CCDC73: variants seen among roughly 807,000 people sequenced by gnomAD.
CCDC73 encodes coiled-coil domain-containing protein 73.
CCDC73 carries 95 observed loss-of-function variants against 116.5 expected under a neutral mutation model. The ratio of observed to expected loss-of-function variants is 0.82; its 90% CI spans 0.69 to 0.97. CCDC73 has a LOEUF of 0.97. Ranked by LOEUF, CCDC73 falls within the 50% of genes least tolerant of loss-of-function variation. The pLI is 0.00. For synonymous variants in CCDC73, 398 were observed against 401.3 expected, an observed-to-expected ratio of 0.99 and a Z score of 0.10; for missense variants, 1,066 against 1,206.8, an observed-to-expected ratio of 0.88 and a Z score of 1.73.
chr11:32,797,133 G>A (rs1246172997), upstream of CCDC73, among the ~76,000 whole-genome samples: 1 of 151,356 alleles, frequency 6.6e-6, no homozygotes, highest in Admixed American at 6.6e-5. Context: ...AAACCTAACT[G>A]TTTCTATCAG....
Position 32,699,260 on chromosome 11 carries a change from T to C in CCDC73, c.381A>G (p.Lys127=). ...KEIEGLKETL[K]ALQVSKYSLQ... ...ACGTAGTTATTTTTACCTGTAGTGC[T>C]TTTAATGTTTCCTTCAATCCTTCTA... Residue 127 remains lysine (K), a synonymous_variant, in exon 6 of 18, where the codon AAA becomes AAG. Transcript: ENST00000335185. The C allele has an allele frequency of 6.3e-7, 1 of 1,582,206 alleles. No individual in the cohort carries two copies.
At chr11:32,648,815 C>T (rs183589717) in intron 12 of CCDC73, among the ~76,000 whole-genome samples, 4 of 152,242 alleles carry the variant, frequency 2.6e-5, no homozygotes, top group Admixed American at 2.0e-4. Flanking sequence ...CCTCCCAAAG[C>T]GCTGGGACCA....
intron 2 of CCDC73, among the ~76,000 whole-genome samples, chr11:32,749,821 G>A (rs1850270868): frequency 6.6e-6 from 1 of 151,680 alleles, no homozygotes; most frequent in Non-Finnish European, 1.5e-5. Flanking sequence ...AGATCCAGAA[G>A]AATTATCTGA....
intron 1 of CCDC73, among the ~76,000 whole-genome samples, chr11:32,788,160 G>C (rs1043888801): frequency 3.9e-5 from 6 of 152,154 alleles, no homozygotes; most frequent in Admixed American, 3.9e-4. Flanking sequence ...AATTTTTGTT[G>C]CATTGATTAT....
At chr11:32,798,915 T>G (rs149692095), upstream of CCDC73, among the ~76,000 whole-genome samples, 20 of 143,182 alleles carry the variant, frequency 1.4e-4, no homozygotes, top group Middle Eastern at 3.5e-3. Flanking sequence ...TTGTTTGTTT[T>G]GGGGGGGGGC....
rs1266677330 is a variant in CCDC73, at chr11:32,664,495, T to C, written c.646-9523A>G. 2.0e-5 allele frequency among the ~76,000 whole-genome samples: 3 copies of C among 152,306 alleles called. No homozygotes were observed. In the East Asian group the frequency reaches 5.8e-4, roughly 29 times the overall value. ...AGGTGTTTATAGTATTCTCTGATGG[T>C]AGTTTGTATTTCCGTGGGATTGGTG... On this transcript the variant is annotated intron_variant, in intron 9 of 17. Coordinates refer to ENST00000335185, the MANE Select transcript of CCDC73 (RefSeq NM_001008391.4).
intron 14 of CCDC73, among the ~76,000 whole-genome samples, chr11:32,617,561 C>G (rs541837893): frequency 6.6e-6 from 1 of 152,256 alleles, no homozygotes; most frequent in Admixed American, 6.5e-5. Context: ...GAGAGTGCTG[C>G]AGCAGTCCAG....
At chr11:32,690,995 A>G (rs1856252262) in intron 6 of CCDC73, among the ~76,000 whole-genome samples, 1 of 151,874 alleles carries the variant, frequency 6.6e-6, no homozygotes, top group Non-Finnish European at 1.5e-5. Context: ...TGCCCTAAAA[A>G]ACTTCTGTAC....
chr11:32,820,828 T>A, the CCDC73 span, among the ~76,000 whole-genome samples: 4 of 152,216 alleles, frequency 2.6e-5, no homozygotes, highest in Non-Finnish European at 5.9e-5. Context: ...TGATTCCTAG[T>A]GAAGCTGAAC....
At chr11:32,762,958 G>A (rs1314904397) in intron 1 of CCDC73, among the ~76,000 whole-genome samples, 2 of 152,112 alleles carry the variant, frequency 1.3e-5, no homozygotes, top group African/African-American at 2.4e-5. Context: ...TATATCCTGC[G>A]CCTGGCTCGG....
At chr11:32,669,767 A>G (rs1856019370) in intron 9 of CCDC73, among the ~76,000 whole-genome samples, 1 of 152,204 alleles carries the variant, frequency 6.6e-6, no homozygotes, top group South Asian at 2.1e-4. Flanking sequence ...CTCTAGTTCT[A>G]TCCATGTTTT....
At chr11:32,769,435 G>T (rs941379120) in intron 1 of CCDC73, among the ~76,000 whole-genome samples, 9 of 152,106 alleles carry the variant, frequency 5.9e-5, no homozygotes, top group Admixed American at 5.2e-4. Flanking sequence ...AGGTAGACTT[G>T]GTTTGTTTAT....
At chr11:32,818,762 C>T in the CCDC73 span, among the ~76,000 whole-genome samples, 6 of 152,284 alleles carry the variant, frequency 3.9e-5, no homozygotes, top group Non-Finnish European at 5.9e-5. Flanking sequence ...CTATAATGCA[C>T]GTATGTTCTC....
At chr11:32,743,137 G>A (rs749616222) in intron 2 of CCDC73, among the ~76,000 whole-genome samples, 17 of 152,102 alleles carry the variant, frequency 1.1e-4, no homozygotes, top group Non-Finnish European at 1.9e-4. Flanking sequence ...TTGTCAATGC[G>A]GGCTCTTTTT....
upstream of CCDC73, among the ~76,000 whole-genome samples, chr11:32,798,219 A>G (rs898183438): frequency 7.9e-5 from 12 of 152,276 alleles, no homozygotes; most frequent in Non-Finnish European, 1.6e-4. Flanking sequence ...TACCTCTAAG[A>G]TACAAATATG....
At chr11:32,721,145 CT>C (rs2133335137) in intron 2 of CCDC73, among the ~76,000 whole-genome samples, 1 of 152,308 alleles carries the variant, frequency 6.6e-6, no homozygotes, top group East Asian at 1.9e-4. Context: ...CTGCCTCAGC[CT>C]TTCAAGTAGC....
intron 1 of CCDC73, among the ~76,000 whole-genome samples, chr11:32,772,289 C>T (rs139319392): frequency 3.3e-5 from 5 of 152,114 alleles, no homozygotes; most frequent in African/African-American, 7.2e-5. Context: ...AAATGTCAGA[C>T]GATTCCCAGC....
At chr11:32,745,744 G>GTTTTTTTTTTTTT in intron 2 of CCDC73, among the ~76,000 whole-genome samples, 1 of 42,686 alleles carries the variant, frequency 2.3e-5, no homozygotes, top group East Asian at 6.8e-4. Flanking sequence ...TGTTTGTTTT[G>GTTTTTTTTTTTTT]GTTTTTTTTT....
chr11:32,650,567 G>A (rs1446255727), intron 12 of CCDC73, among the ~76,000 whole-genome samples: 1 of 152,178 alleles, frequency 6.6e-6, no homozygotes, highest in Non-Finnish European at 1.5e-5. Context: ...GTGGGCAGGG[G>A]AGATGGGAGG....
Sources: gnomAD v4.1 joint callset for allele counts (sites outside exome capture counted in the v4.1 genomes callset) on GRCh38, gnomAD v4.1.1 for gene constraint, MANE v1.5 for transcripts, NCBI Gene and HGNC (gene_info 2026-07-23, HGNC 2026-07-21) for gene names.